The following TLL2 variants were observed in gnomAD, a reference collection of about 807,000 sequenced individuals.
The protein encoded by TLL2 is tolloid like 2, also known as tolloid-like protein 2.
In TLL2, 106 loss-of-function variants were observed where a neutral mutation model predicts 123.0. The ratio of observed to expected loss-of-function variants is 0.86; its 90% confidence interval spans 0.74 to 1.01. TLL2 has a LOEUF of 1.01. Ranked by LOEUF, TLL2 falls within the 50% of genes least tolerant of loss-of-function variation. The pLI is 0.00. For synonymous variants in TLL2, 494 were observed against 516.8 expected (o/e 0.96, Z 0.60); for missense variants, 1,332 against 1,336.7 (o/e 1.00, Z 0.06).
chr10:96,391,582 G>C (rs1439066540), intron 13 of TLL2, among the ~76,000 whole-genome samples: 2 of 152,174 alleles, frequency 1.3e-5, no homozygotes, highest in African/African-American at 4.8e-5. Context: ...TTCCAGCCCA[G>C]CCATGTTAGG....
chr10:96,380,057 T>C (rs763813515), intron 16 of TLL2, among the ~76,000 whole-genome samples: 2 of 152,222 alleles, frequency 1.3e-5, no homozygotes, highest in Non-Finnish European at 2.9e-5. Context: ...GTGCCTCAGT[T>C]GCCTCACTTG....
At position 96,513,827 on chromosome 10, in the gene TLL2, G is replaced by A. The variant is rs1157615291; in HGVS notation, c.-142C>T. Reference sequence around the variant, plus strand: ...CTGCTGGGCATGGCTCAGGCGCGGAGCAAGCGGAGCGCGGCGCCCCCTGTC... The same window carrying A: ...CTGCTGGGCATGGCTCAGGCGCGGAACAAGCGGAGCGCGGCGCCCCCTGTC... On this transcript the variant is annotated 5_prime_UTR_variant, in exon 1 of 21. Coordinates refer to ENST00000357947, the MANE Select transcript of TLL2 (RefSeq NM_012465.4). 1 of 885,416 alleles carries A rather than the reference G, an allele frequency of 1.1e-6. No homozygotes were observed. The highest frequency in any genetic ancestry group is 1.6e-6 in the Non-Finnish European group (1 of 643,046). 54.8% of individuals were successfully genotyped at this position (885,416 alleles called of 1,614,324 possible).
At chr10:96,476,555 C>A (rs1253787948) in intron 2 of TLL2, among the ~76,000 whole-genome samples, 1 of 151,412 alleles carries the variant, frequency 6.6e-6, no homozygotes, top group Non-Finnish European at 1.5e-5. Flanking sequence ...AGTCACCGCA[C>A]CTGGCCTGTG....
intron 4 of TLL2, among the ~76,000 whole-genome samples, chr10:96,430,756 C>T (rs1187425111): frequency 6.6e-6 from 1 of 152,080 alleles, no homozygotes; most frequent in Non-Finnish European, 1.5e-5. Context: ...GTGGCACACG[C>T]CTGTAGTCTC....
rs1846219776 is a variant in TLL2, at chr10:96,384,960, GC to G, written c.2014-194del. Reference sequence around the variant, plus strand: ...GGGGACCCCTGGCTCTCCCACTGAGGCTCTGTGGGGGTGCCATCGCCTGGCA... The same window carrying G: ...GGGGACCCCTGGCTCTCCCACTGAGGTCTGTGGGGGTGCCATCGCCTGGCA... On this transcript the variant is annotated intron_variant, in intron 15 of 20. Transcript: ENST00000357947. Among the ~76,000 whole-genome samples, 3 of 152,330 alleles carry G rather than the reference GC, an allele frequency of 2.0e-5. No homozygotes were observed. The South Asian group carries it at 6.2e-4, about 32-fold the overall frequency.
chr10:96,457,804 A>G (rs1309667182), intron 2 of TLL2, among the ~76,000 whole-genome samples: 1 of 152,234 alleles, frequency 6.6e-6, no homozygotes, highest in Non-Finnish European at 1.5e-5. Context: ...CTTCCCAGAG[A>G]TGCTGAAGGC....
chr10:96,397,862 A>G (rs1261190866), intron 10 of TLL2, among the ~76,000 whole-genome samples: 1 of 152,192 alleles, frequency 6.6e-6, no homozygotes, highest in Non-Finnish European at 1.5e-5. Context: ...CCTAGGATGG[A>G]GGAGTGACAG....
rs1486055786 is a variant in TLL2, at chr10:96,367,908, C to T, written c.*180G>A. 23 of 694,752 alleles carry T rather than the reference C, an allele frequency of 3.3e-5. No individual in the cohort carries two copies. Among genetic ancestry groups the T allele is most frequent in the Non-Finnish European group, 4.6e-5 (20 of 435,158 alleles). The allele number at this position is 694,752 out of a possible 1,614,324, so 43.0% of individuals were successfully genotyped here. On this transcript the variant is annotated 3_prime_UTR_variant, in exon 21 of 21. Coordinates refer to ENST00000357947, the MANE Select transcript of TLL2 (RefSeq NM_012465.4). The stretch of plus-strand genomic sequence containing the variant: ...AGCAAAAGAACATTTTTCTCTCCAC[C>T]TTGTTGGCCAAACTTACAAGACTTT...
rs199584202 is a variant in TLL2, at chr10:96,376,844, C to A, written c.2321-25G>T. On this transcript the variant is annotated intron_variant, in intron 17 of 20. Coordinates refer to ENST00000357947, the MANE Select transcript of TLL2 (RefSeq NM_012465.4). ...GCTGGGGGTGGCAGGGGGACACATA[C>A]AAAGAGAGAAGTCATTCACTGTGGG... 376 of 1,501,272 alleles carry A rather than the reference C, an allele frequency of 2.5e-4. 1 individual carries two copies. In the African/African-American group the frequency reaches 4.9e-3, roughly 20 times the overall value. The allele number at this position is 1,501,272 out of a possible 1,614,324, so 93.0% of individuals were successfully genotyped here. A position where few individuals can be genotyped will look rare whatever the true frequency, so the allele number is the denominator to read the frequency against.
At position 96,368,123 on chromosome 10, in the gene TLL2, T is replaced by C. The variant is rs772343412; in HGVS notation, c.3013A>G (p.Thr1005Ala). 3.7e-6 allele frequency: 6 copies of C among 1,614,232 alleles called. No homozygotes were observed. Among genetic ancestry groups the C allele is most frequent in the Non-Finnish European group, 5.1e-6 (6 of 1,180,046 alleles). The change falls in exon 21 of 21, where the codon ACC becomes GCC. Residue 1005 changes from threonine to alanine, a missense_variant. Physicochemically the swap from Thr to Ala is moderately conservative, Grantham distance 58. Coordinates refer to ENST00000357947, the MANE Select transcript of TLL2 (RefSeq NM_012465.4). ...ATGTGCAGGGCATCCTGGAACTTGG[T>C]GCTGGTGTATCGGGCATGAAAGCCT... ...KKGFHARYTSTKFQDALHMKK is the reference protein window; with the variant it reads ...KKGFHARYTSAKFQDALHMKK
intron 1 of TLL2, among the ~76,000 whole-genome samples, chr10:96,489,540 AAGAG>A (rs1014031383): frequency 4.6e-5 from 7 of 151,692 alleles, no homozygotes; most frequent in African/African-American, 1.2e-4. Context: ...AGAAAGAAGA[AAGAG>A]AGAGAGAGAG....
Position 96,370,309 on chromosome 10 carries a change from CCGCACT to C in TLL2, c.2663_2668del (p.Glu888_Cys889del), listed in dbSNP as rs756820916. ...CTGCACTTCAGCCTTCAGCCTGCCCCCGCACTCTGGAGCAGAGAGAAGTGAGATGTC... is the reference window on the plus strand; with the variant it reads ...CTGCACTTCAGCCTTCAGCCTGCCCCCTGGAGCAGAGAGAAGTGAGATGTC... On this transcript the variant is annotated inframe_deletion and splice_region_variant, in exon 20 of 21. Transcript: ENST00000357947. 47 of 1,576,184 alleles carry C rather than the reference CCGCACT, an allele frequency of 3.0e-5. No homozygotes were observed. In the East Asian group the frequency reaches 1.1e-3, roughly 36 times the overall value.
At chr10:96,508,603 A>G (rs778256922) in intron 1 of TLL2, among the ~76,000 whole-genome samples, 1 of 152,118 alleles carries the variant, frequency 6.6e-6, no homozygotes, top group Non-Finnish European at 1.5e-5. Flanking sequence ...TAGATTTAAT[A>G]AACCCAAAAT....
chr10:96,422,868 C>T, intron 5 of TLL2, 141 bp from the exon 6 acceptor site: 8 of 1,020,004 alleles, frequency 7.8e-6, no homozygotes, highest in Non-Finnish European at 1.0e-5. Flanking sequence ...TGGCTTACGC[C>T]TGTAATCCCA....
intron 16 of TLL2, among the ~76,000 whole-genome samples, chr10:96,379,528 A>T (rs931099856): frequency 6.6e-6 from 1 of 152,208 alleles, no homozygotes; most frequent in Non-Finnish European, 1.5e-5. Flanking sequence ...AGTCTTTACA[A>T]GTAAGGAAAC....
At chr10:96,422,407 G>A in intron 6 of TLL2, 142 bp downstream of exon 6, 5 of 996,218 alleles carry the variant, frequency 5.0e-6, no homozygotes, top group Middle Eastern at 3.2e-4. Flanking sequence ...GGTGAGACGG[G>A]CCTGTACAAC....
Position 96,370,091 on chromosome 10 carries a change from T to C in TLL2, c.2887A>G (p.Arg963Gly). The C allele has an allele frequency of 6.2e-7, 1 of 1,606,230 alleles. No individual in the cohort carries two copies. The highest frequency in any genetic ancestry group is 8.5e-7 in the Non-Finnish European group (1 of 1,176,006). ...AYDGYDSSAP[R>G]LGRFCGSGPL... ...CCAGAGCCACAGAAGCGGCCGAGCC[T>C]GGGCGCTGAGCTGTCGTAGCCGTCG... The change falls in exon 20 of 21, where the codon AGG becomes GGG. Residue 963 changes from arginine (R) to glycine (G), a missense_variant. By Grantham distance (125) the Arg-to-Gly change is moderately radical. Transcript: ENST00000357947.
rs1564911516 is a variant in TLL2 at position 96,459,689 on chromosome 10, A to T, written c.287-13521T>A. On this transcript the variant is annotated intron_variant, in intron 2 of 20. Transcript: ENST00000357947. ...TGTTTCAAAAAAAAAAAAAAAAAAA[A>T]AAAAAAAAAAAAAAAAATATATATA... 4.1e-3 allele frequency among the ~76,000 whole-genome samples: 223 copies of T among 54,390 alleles called. 2 individuals are homozygous for T. Among genetic ancestry groups the T allele is most frequent in the Middle Eastern group, 0.02 (3 of 148 alleles). The allele number at this position is 54,390 out of a possible 152,430, so 35.7% of individuals were successfully genotyped here.
chr10:96,377,194 G>T (rs942616417), intron 17 of TLL2, among the ~76,000 whole-genome samples: 1 of 152,210 alleles, frequency 6.6e-6, no homozygotes, highest in Non-Finnish European at 1.5e-5. Flanking sequence ...GTCCTTATTT[G>T]TAAAAGGGTG....
Sources: gnomAD v4.1 joint callset for allele counts (sites outside exome capture counted in the v4.1 genomes callset) on GRCh38, gnomAD v4.1.1 for gene constraint, MANE v1.5 for transcripts, NCBI Gene and HGNC (gene_info 2026-07-23, HGNC 2026-07-21) for gene names.